CADM2: variants seen among roughly 807,000 people sequenced by gnomAD.
CADM2 encodes the protein immunoglobulin superfamily member 4D.
A neutral mutation model predicts 49.8 loss-of-function variants in CADM2; 12 were observed. The observed-to-expected ratio is 0.24, with a 90% CI of 0.15 to 0.39. The LOEUF is 0.39. Among genes scored for constraint, CADM2 ranks in the 10% least tolerant of loss-of-function variants. CADM2 has a pLI of 1.00. For synonymous variants in CADM2, 214 were observed against 175.4 expected, an observed-to-expected ratio of 1.22 and a Z score of -1.74; for missense variants, 378 against 492.3, an observed-to-expected ratio of 0.77 and a Z score of 2.20.
chr3:85,638,447 T>C (rs2064587783), intron 1 of CADM2, among the ~76,000 whole-genome samples: 1 of 152,138 alleles, frequency 6.6e-6, no homozygotes, highest in African/African-American at 2.4e-5. Flanking sequence ...CATTTGGTTA[T>C]TTCCTCAAAG....
intron 2 of CADM2, among the ~76,000 whole-genome samples, chr3:85,788,543 C>T (rs1381921631): frequency 1.3e-5 from 2 of 151,838 alleles, no homozygotes. Flanking sequence ...AGATAATAAT[C>T]AATATAATTT....
intron 8 of CADM2, among the ~76,000 whole-genome samples, chr3:86,010,050 A>G (rs1186027033): frequency 6.6e-6 from 1 of 151,936 alleles, no homozygotes; most frequent in African/African-American, 2.4e-5. Flanking sequence ...ACTCTGCTCT[A>G]TTTAATCTTC....
intron 1 of CADM2, among the ~76,000 whole-genome samples, chr3:85,633,871 T>C (rs2064383081): frequency 6.6e-6 from 1 of 152,088 alleles, no homozygotes; most frequent in Middle Eastern, 3.4e-3. Context: ...CCTTCACCAG[T>C]GAGAGTATGA....
intron 1 of CADM2, among the ~76,000 whole-genome samples, chr3:85,266,272 T>C (rs2043119545): frequency 6.6e-6 from 1 of 151,896 alleles, no homozygotes; most frequent in South Asian, 2.1e-4. Context: ...TACTCTCACC[T>C]GAAATTGTTT....
At chr3:85,229,466 T>G (rs920019031) in intron 1 of CADM2, among the ~76,000 whole-genome samples, 2 of 152,148 alleles carry the variant, frequency 1.3e-5, no homozygotes, top group African/African-American at 4.8e-5. Context: ...CTGCACCTAC[T>G]GTCCAACCAG....
chr3:85,522,399 C>T (rs1003150635), intron 1 of CADM2, among the ~76,000 whole-genome samples: 10 of 152,006 alleles, frequency 6.6e-5, no homozygotes, highest in Admixed American at 5.9e-4. Flanking sequence ...TCATGCAGTT[C>T]GTCCCACAAA....
intron 1 of CADM2, among the ~76,000 whole-genome samples, chr3:85,210,189 G>A (rs144208358): frequency 6.7e-4 from 102 of 152,248 alleles, no homozygotes; most frequent in African/African-American, 2.2e-3. Flanking sequence ...TATCATGAAG[G>A]AATGTTGAGT....
chr3:85,869,104 A>G (rs2075824814), intron 3 of CADM2, among the ~76,000 whole-genome samples: 1 of 152,164 alleles, frequency 6.6e-6, no homozygotes, highest in Admixed American at 6.5e-5. Context: ...TGTATTTTTC[A>G]TGCTTCCCAT....
chr3:85,588,056 C>T (rs947659194), intron 1 of CADM2, among the ~76,000 whole-genome samples: 1 of 151,988 alleles, frequency 6.6e-6, no homozygotes, highest in Non-Finnish European at 1.5e-5. Flanking sequence ...CATTAGCCAT[C>T]GTGCATGGCT....
intron 1 of CADM2, among the ~76,000 whole-genome samples, chr3:85,571,409 G>GT (rs569833454): frequency 0.51 from 76,239 of 148,604 alleles, 22,321 homozygotes; most frequent in East Asian, 0.85. Context: ...TTGTCCAGAT[G>GT]TTTTTTTTTT....
intron 1 of CADM2, among the ~76,000 whole-genome samples, chr3:85,633,024 G>A (rs978995579): frequency 6.6e-6 from 1 of 151,528 alleles, no homozygotes; most frequent in Non-Finnish European, 1.5e-5. Context: ...TAGAACCTTG[G>A]GAAACCTGCA....
At chr3:85,539,140 T>TA (rs140132068) in intron 1 of CADM2, among the ~76,000 whole-genome samples, 66 of 148,366 alleles carry the variant, frequency 4.4e-4, no homozygotes, top group Middle Eastern at 3.5e-3. Flanking sequence ...AGATTTACAT[T>TA]AAAAAAAAAC....
intron 1 of CADM2, among the ~76,000 whole-genome samples, chr3:85,687,176 A>C (rs777344860): frequency 1.3e-5 from 2 of 152,198 alleles, no homozygotes; most frequent in Non-Finnish European, 1.5e-5. Context: ...TATGTCACAA[A>C]ATTTTTTTAA....
In CADM2 at chr3:85,199,261, A is replaced by G. The variant is rs113396667; in HGVS notation, c.61+239593A>G. ...TTTTAATATGTCTGAATTATTATTT[A>G]TGAATTTCTCACAATGGATTATCAA... On this transcript the variant is annotated intron_variant, in intron 1 of 9. Coordinates refer to ENST00000383699, the MANE Select transcript of CADM2 (RefSeq NM_001167675.2). Among the ~76,000 whole-genome samples, 317 of 151,830 alleles carry G rather than the reference A, an allele frequency of 2.1e-3. 1 individual carries two copies. The highest frequency in any genetic ancestry group is 7.2e-3 in the African/African-American group (300 of 41,464).
At chr3:85,253,376 A>G (rs2042816673) in intron 1 of CADM2, among the ~76,000 whole-genome samples, 1 of 152,046 alleles carries the variant, frequency 6.6e-6, no homozygotes, top group South Asian at 2.1e-4. Context: ...GTAAAATCCT[A>G]TAGCTTAGTT....
intron 7 of CADM2, among the ~76,000 whole-genome samples, chr3:85,943,271 C>T (rs1722201362): frequency 7.4e-6 from 1 of 135,136 alleles, no homozygotes; most frequent in Non-Finnish European, 1.5e-5. Context: ...AAAATTTTCT[C>T]CCATTTTGTA....
At chr3:86,052,409 A>T (rs1737454262) in intron 8 of CADM2, among the ~76,000 whole-genome samples, 1 of 152,146 alleles carries the variant, frequency 6.6e-6, no homozygotes, top group Non-Finnish European at 1.5e-5. Context: ...TAAGGTTGCC[A>T]TTTAAATTTT....
chr3:85,076,995 A>C (rs2107489549), intron 1 of CADM2, among the ~76,000 whole-genome samples: 1 of 152,256 alleles, frequency 6.6e-6, no homozygotes, highest in Middle Eastern at 3.4e-3. Flanking sequence ...CAATAATAAT[A>C]ATAATTTCAC....
At chr3:85,509,302 C>T (rs2040503401) in intron 1 of CADM2, among the ~76,000 whole-genome samples, 1 of 152,062 alleles carries the variant, frequency 6.6e-6, no homozygotes, top group African/African-American at 2.4e-5. Flanking sequence ...TTGTTATGAA[C>T]TATTTTGACA....
Sources: gnomAD v4.1 joint callset for allele counts (sites outside exome capture counted in the v4.1 genomes callset) on GRCh38, gnomAD v4.1.1 for gene constraint, MANE v1.5 for transcripts, NCBI Gene and HGNC (gene_info 2026-07-23, HGNC 2026-07-21) for gene names.